Variants in DSCAML1 observed in about 807,000 individuals in gnomAD.
DSCAML1 encodes DS cell adhesion molecule like 1, also known as cell adhesion molecule DSCAML1.
Under a neutral mutation model 200.5 loss-of-function variants are expected in DSCAML1, and 38 were observed. That is an observed-to-expected ratio of 0.19 (90% CI 0.15 to 0.25). The LOEUF is 0.25. Ranked by LOEUF, DSCAML1 falls within the 10% of genes least tolerant of loss-of-function variation. DSCAML1 has a pLI of 1.00. For synonymous variants in DSCAML1, 1,215 were observed against 1,165.0 expected, an observed-to-expected ratio of 1.04 and a Z score of -0.87; for missense variants, 2,223 against 2,858.8, an observed-to-expected ratio of 0.78 and a Z score of 5.07.
intron 3 of DSCAML1, among the ~76,000 whole-genome samples, chr11:117,761,285 C>T (rs948928023): frequency 1.3e-5 from 2 of 151,938 alleles, no homozygotes; most frequent in Non-Finnish European, 2.9e-5. Context: ...CACCTGGCCG[C>T]CATAGGAGGC....
At position 117,483,593 on chromosome 11, in the gene DSCAML1, T is replaced by C. The variant is rs556691644; in HGVS notation, c.2360-1431A>G. On this transcript the variant is annotated intron_variant, in intron 11 of 32. Transcript: ENST00000651296. Reference sequence around the variant, plus strand: ...GACTAGCAATTTCAGTGAAGAGTGGTGAGTCCTATGCTGGGAGAAATGCAC... The same window carrying C: ...GACTAGCAATTTCAGTGAAGAGTGGCGAGTCCTATGCTGGGAGAAATGCAC... Among the ~76,000 whole-genome samples the C allele has an allele frequency of 2.6e-5, 4 of 152,262 alleles. No homozygotes were observed. The South Asian group carries it at 8.3e-4, about 32-fold the overall frequency.
chr11:117,659,821 C>T (rs1196625728), intron 3 of DSCAML1, among the ~76,000 whole-genome samples: 3 of 152,080 alleles, frequency 2.0e-5, no homozygotes, highest in East Asian at 1.9e-4. Context: ...TGGGTTCAAG[C>T]GATTCTCCCA....
intron 22 of DSCAML1, 79 bp from the exon 23 acceptor site, chr11:117,439,508 AAG>A (rs958127398): frequency 5.2e-6 from 8 of 1,536,832 alleles, no homozygotes; most frequent in Non-Finnish European, 6.1e-6. Context: ...GTGTGTGACA[AAG>A]AGAGCTGGGG....
intron 8 of DSCAML1, among the ~76,000 whole-genome samples, chr11:117,508,914 G>C (rs2049562542): frequency 6.6e-6 from 1 of 152,094 alleles, no homozygotes. Context: ...CAAGAAGACT[G>C]TCTCTCTCAG....
chr11:117,602,853 C>A (rs1036280637), intron 3 of DSCAML1, among the ~76,000 whole-genome samples: 4 of 151,928 alleles, frequency 2.6e-5, no homozygotes. Context: ...AAGCCCAGCA[C>A]TTTGGGAAGC....
At chr11:117,793,337 C>T (rs2055510795) in intron 1 of DSCAML1, among the ~76,000 whole-genome samples, 1 of 152,170 alleles carries the variant, frequency 6.6e-6, no homozygotes, top group African/African-American at 2.4e-5. Context: ...CAGAAAACAA[C>T]TCCTCCAAGA....
intron 3 of DSCAML1, among the ~76,000 whole-genome samples, chr11:117,588,594 T>A (rs1351704672): frequency 6.6e-6 from 1 of 152,198 alleles, no homozygotes; most frequent in East Asian, 1.9e-4. Flanking sequence ...TGAGCCTTCA[T>A]GGCCCGTAGC....
At chr11:117,685,332 C>G (rs1031415995) in intron 3 of DSCAML1, among the ~76,000 whole-genome samples, 4 of 152,288 alleles carry the variant, frequency 2.6e-5, no homozygotes, top group African/African-American at 9.6e-5. Flanking sequence ...CTCCTGATTC[C>G]CAGAAAGCGG....
chr11:117,690,526 G>A (rs750347766), intron 3 of DSCAML1, among the ~76,000 whole-genome samples: 6 of 152,230 alleles, frequency 3.9e-5, no homozygotes, highest in Admixed American at 2.0e-4. Context: ...TGAGATTTCC[G>A]AGCTGGAAGG....
chr11:117,554,672 C>T (rs954410967), intron 3 of DSCAML1, among the ~76,000 whole-genome samples: 13 of 152,164 alleles, frequency 8.5e-5, no homozygotes, highest in African/African-American at 3.1e-4. Flanking sequence ...CCACCGCGCC[C>T]GGCCTGGCAC....
At chr11:117,575,951 C>A (rs79263676) in intron 3 of DSCAML1, among the ~76,000 whole-genome samples, 3 of 152,186 alleles carry the variant, frequency 2.0e-5, no homozygotes, top group Non-Finnish European at 4.4e-5. Flanking sequence ...CCCTTGTCTG[C>A]GCTACAGAAT....
At chr11:117,519,845 A>G in intron 6 of DSCAML1, among the ~76,000 whole-genome samples, 1 of 152,094 alleles carries the variant, frequency 6.6e-6, no homozygotes, top group East Asian at 1.9e-4. Flanking sequence ...CAAGAAACAA[A>G]AAGGAAGACA....
At chr11:117,496,576 T>A (rs1467195927) in intron 11 of DSCAML1, among the ~76,000 whole-genome samples, 1 of 152,232 alleles carries the variant, frequency 6.6e-6, no homozygotes, top group Non-Finnish European at 1.5e-5. Context: ...CACACAATTT[T>A]GTGATTCATC....
intron 3 of DSCAML1, among the ~76,000 whole-genome samples, chr11:117,735,706 G>A (rs2054304535): frequency 1.3e-5 from 2 of 152,194 alleles, no homozygotes; most frequent in African/African-American, 4.8e-5. Context: ...AAACAAGAGA[G>A]ACCATAATAA....
At chr11:117,630,938 A>G (rs972323643) in intron 3 of DSCAML1, among the ~76,000 whole-genome samples, 1 of 152,340 alleles carries the variant, frequency 6.6e-6, no homozygotes, top group Non-Finnish European at 1.5e-5. Context: ...CTGGGATCAC[A>G]GCATTTAGGT....
chr11:117,655,022 G>A (rs1803581375), intron 3 of DSCAML1, among the ~76,000 whole-genome samples: 1 of 152,252 alleles, frequency 6.6e-6, no homozygotes, highest in African/African-American at 2.4e-5. Context: ...CAGATGTTGT[G>A]GCAGCTGCCA....
intron 1 of DSCAML1, among the ~76,000 whole-genome samples, chr11:117,786,971 G>A (rs926520366): frequency 4.6e-5 from 7 of 152,156 alleles, no homozygotes; most frequent in Admixed American, 1.3e-4. Flanking sequence ...AGGACCAACC[G>A]GCCAGTAGGT....
intron 3 of DSCAML1, among the ~76,000 whole-genome samples, chr11:117,715,505 T>C (rs2053937045): frequency 2.0e-5 from 3 of 152,246 alleles, no homozygotes; most frequent in Admixed American, 2.0e-4. Flanking sequence ...GGAACTGTGC[T>C]CGGCACTGGG....
chr11:117,705,747 T>C (rs377667111), intron 3 of DSCAML1, among the ~76,000 whole-genome samples: 2 of 152,236 alleles, frequency 1.3e-5, no homozygotes, highest in East Asian at 1.9e-4. Flanking sequence ...ATGCTTGATC[T>C]CTGTAGCACT....
Sources: gnomAD v4.1 joint callset for allele counts (sites outside exome capture counted in the v4.1 genomes callset) on GRCh38, gnomAD v4.1.1 for gene constraint, MANE v1.5 for transcripts, NCBI Gene and HGNC (gene_info 2026-07-23, HGNC 2026-07-21) for gene names.